DNAH6: variants seen among roughly 807,000 people sequenced by gnomAD.
DNAH6 encodes the protein axonemal beta dynein heavy chain 6.
DNAH6 carries 340 observed loss-of-function variants against 491.4 expected under a neutral mutation model. That is an observed-to-expected ratio of 0.69 (90% CI 0.63 to 0.76). DNAH6 has a LOEUF of 0.76. Ranked by LOEUF, DNAH6 falls within the 30% of genes least tolerant of loss-of-function variation. DNAH6 has a pLI of 0.00. For missense variants in DNAH6, 4,443 were observed against 4,972.2 expected, an observed-to-expected ratio of 0.89 and a Z score of 3.20; for synonymous variants, 1,603 against 1,686.1, an observed-to-expected ratio of 0.95 and a Z score of 1.21.
intron 37 of DNAH6, among the ~76,000 whole-genome samples, chr2:84,662,330 G>A (rs970883355): frequency 2.0e-5 from 3 of 152,180 alleles, no homozygotes; most frequent in Non-Finnish European, 2.9e-5. Context: ...AAGCACAAGG[G>A]GTTGGGTAAT....
At chr2:84,812,932 G>T (rs1483337105) in intron 73 of DNAH6, 126 bp from the exon 74 acceptor site, 14 of 717,524 alleles carry the variant, frequency 2.0e-5, no homozygotes, top group Non-Finnish European at 3.3e-5. Flanking sequence ...TGAAATGGGG[G>T]TGGTGACTAA....
chr2:84,697,889 A>G (rs1184148698), intron 47 of DNAH6, 162 bp downstream of exon 47: 5 of 742,754 alleles, frequency 6.7e-6, no homozygotes, highest in Non-Finnish European at 1.1e-5. Context: ...TGTTTAAAGC[A>G]TTGGGTCACC....
the DNAH6 span, among the ~76,000 whole-genome samples, chr2:84,507,328 A>G: frequency 6.6e-6 from 1 of 152,212 alleles, no homozygotes; most frequent in African/African-American, 2.4e-5. Context: ...CTTTGAAGCA[A>G]TTGTGAATGG....
intron 68 of DNAH6, among the ~76,000 whole-genome samples, chr2:84,791,490 T>C (rs1050088477): frequency 2.6e-5 from 4 of 151,798 alleles, no homozygotes; most frequent in African/African-American, 9.7e-5. Context: ...CCTATAGAGA[T>C]GGAAAGTAGT....
At chr2:84,668,812 G>A (rs1218512910) in intron 37 of DNAH6, among the ~76,000 whole-genome samples, 2 of 28,066 alleles carry the variant, frequency 7.1e-5, no homozygotes. Context: ...CCATCCCTCT[G>A]TGTGTGTGTG....
chr2:84,579,392 G>GA, intron 13 of DNAH6, 135 bp from the exon 14 acceptor site: 3 of 940,722 alleles, frequency 3.2e-6, no homozygotes, highest in Non-Finnish European at 4.7e-6. Flanking sequence ...GATTTAAAGA[G>GA]AAAAAAAGTC....
At chr2:84,700,280 T>TGACCTG (rs1222030767) in intron 48 of DNAH6, among the ~76,000 whole-genome samples, 2 of 152,178 alleles carry the variant, frequency 1.3e-5, no homozygotes, top group Non-Finnish European at 2.9e-5. Flanking sequence ...AAGAAGGGGC[T>TGACCTG]GACCTGGTCA....
the DNAH6 span, among the ~76,000 whole-genome samples, chr2:84,469,674 C>T: frequency 6.6e-6 from 1 of 152,186 alleles, no homozygotes; most frequent in African/African-American, 2.4e-5. This position sits in a 1 kb window ranked among gnomAD's most constrained non-coding sequence, Gnocchi z 4.0. Flanking sequence ...ACAAAGGGAT[C>T]TTTTCCAGCA....
At chr2:84,504,805 C>A in the DNAH6 span, among the ~76,000 whole-genome samples, 1 of 152,160 alleles carries the variant, frequency 6.6e-6, no homozygotes, top group South Asian at 2.1e-4. Context: ...AGTGCTGCAA[C>A]TTTGTTTTTC....
At chr2:84,701,762 C>T (rs1695921483) in intron 49 of DNAH6, among the ~76,000 whole-genome samples, 1 of 152,114 alleles carries the variant, frequency 6.6e-6, no homozygotes, top group Non-Finnish European at 1.5e-5. Context: ...AAACTGTCCC[C>T]ATGATCCAAT....
At chr2:84,530,501 T>C (rs1403803756) in intron 4 of DNAH6, among the ~76,000 whole-genome samples, 1 of 152,048 alleles carries the variant, frequency 6.6e-6, no homozygotes, top group East Asian at 1.9e-4. Flanking sequence ...GAACAAGAGA[T>C]AAAGGATATA....
chr2:84,484,388 A>T, the DNAH6 span, among the ~76,000 whole-genome samples: 1 of 152,166 alleles, frequency 6.6e-6, no homozygotes. Flanking sequence ...CTTGGTCTTA[A>T]ACCAAAATCT....
At chr2:84,492,032 C>A in the DNAH6 span, among the ~76,000 whole-genome samples, 1 of 152,128 alleles carries the variant, frequency 6.6e-6, no homozygotes, top group Non-Finnish European at 1.5e-5. Context: ...ACTACCAGTG[C>A]TTTAAGGCTT....
chr2:84,633,049 T>A (rs1688549911), intron 29 of DNAH6, among the ~76,000 whole-genome samples: 1 of 152,216 alleles, frequency 6.6e-6, no homozygotes, highest in African/African-American at 2.4e-5. Flanking sequence ...AAGAGCTCTG[T>A]GGAAGTATAG....
chr2:84,471,662 A>G, the DNAH6 span, among the ~76,000 whole-genome samples: 5 of 152,144 alleles, frequency 3.3e-5, no homozygotes, highest in South Asian at 1.0e-3. Context: ...GGGTCCCTCC[A>G]GTCTCCCGTT....
chr2:84,561,439 A>G (rs1310689741), intron 11 of DNAH6, among the ~76,000 whole-genome samples: 1 of 152,202 alleles, frequency 6.6e-6, no homozygotes, highest in Non-Finnish European at 1.5e-5. Context: ...AAAACCCTAG[A>G]AGAAAACCTA....
chr2:84,771,205 T>C (rs1675570707), intron 64 of DNAH6, among the ~76,000 whole-genome samples: 1 of 151,818 alleles, frequency 6.6e-6, no homozygotes, highest in Non-Finnish European at 1.5e-5. Context: ...GGAGAACCAC[T>C]TGAATCTGGG....
intron 33 of DNAH6, among the ~76,000 whole-genome samples, chr2:84,642,755 A>G (rs1282772375): frequency 6.6e-6 from 1 of 151,976 alleles, no homozygotes; most frequent in Non-Finnish European, 1.5e-5. Context: ...TCTCCCTTCT[A>G]TCCTAATTCC....
chr2:84,563,079 C>T (rs575798388), intron 11 of DNAH6, among the ~76,000 whole-genome samples: 65 of 152,298 alleles, frequency 4.3e-4, no homozygotes, highest in African/African-American at 1.4e-3. Context: ...TTGCCTGCTG[C>T]CACTTAAGAC....
Sources: gnomAD v4.1 joint callset for allele counts (sites outside exome capture counted in the v4.1 genomes callset) on GRCh38, gnomAD v4.1.1 for gene constraint, Gnocchi (gnomAD v3.1) non-coding constraint, MANE v1.5 for transcripts, NCBI Gene and HGNC (gene_info 2026-07-23, HGNC 2026-07-21) for gene names.